Variants in SDC3 observed in about 807,000 individuals in gnomAD.
The protein encoded by SDC3 is syndecan 3, also known as syndecan-3.
SDC3 carries 13 observed loss-of-function variants against 24.4 expected under a neutral mutation model. That is an observed-to-expected ratio of 0.53 (90% CI 0.35 to 0.85). SDC3 has a LOEUF of 0.85. SDC3 is among the 40% of genes least tolerant of loss of function. SDC3 has a pLI of 0.01. For missense variants in SDC3, 571 were observed against 584.5 expected (o/e 0.98, Z 0.24); for synonymous variants, 295 against 260.9 (o/e 1.13, Z -1.26).
chr1:30,889,670 GAAT>G (rs1225180834), intron 1 of SDC3, among the ~76,000 whole-genome samples: 2 of 152,196 alleles, frequency 1.3e-5, no homozygotes, highest in Non-Finnish European at 2.9e-5. Flanking sequence ...ATGGATGCAA[GAAT>G]GAATGTGATC....
chr1:30,908,783 G>GCGC (rs1430711331), upstream of SDC3: 578 of 146,434 alleles, frequency 3.9e-3, 1 homozygote, highest in African/African-American at 0.012. Flanking sequence ...CAGGAAGCGT[G>GCGC]CGCCGCCGCC....
At position 30,874,427 on chromosome 1, in the gene SDC3, T is replaced by C. The variant is rs1639595569; in HGVS notation, c.1032A>G (p.Ser344=). The change falls in exon 4 of 5, where the codon TCA becomes TCG. Residue 344 remains serine, a synonymous_variant. Transcript: ENST00000339394. The stretch of plus-strand genomic sequence containing the variant: ...CCTTGGGCAGTGTCCCAGGTGGAGA[T>C]GATGCCTTGGCCGCAGCCCCTCCCA... ...VAVGGAAAKA[S]SPPGTLPKGA... 2 of 1,614,192 alleles carry C rather than the reference T, an allele frequency of 1.2e-6. No homozygotes were observed. The highest frequency in any genetic ancestry group is 1.7e-5 in the Admixed American group (1 of 60,026).
At chr1:30,878,817 G>T in intron 1 of SDC3, 77 bp from the exon 2 acceptor site, 1 of 1,130,420 alleles carries the variant, frequency 8.8e-7, no homozygotes, top group Non-Finnish European at 1.3e-6. Flanking sequence ...GGCGACAGGT[G>T]CCCTTGTGGG....
At chr1:30,906,602 C>T (rs1206021455) in intron 1 of SDC3, among the ~76,000 whole-genome samples, 1 of 152,132 alleles carries the variant, frequency 6.6e-6, no homozygotes, top group African/African-American at 2.4e-5. Flanking sequence ...CATGTGCACA[C>T]CACATGACTC....
chr1:30,885,790 C>T (rs1374713681), intron 1 of SDC3, among the ~76,000 whole-genome samples: 1 of 152,238 alleles, frequency 6.6e-6, no homozygotes, highest in Non-Finnish European at 1.5e-5. Context: ...CTCCCATCAG[C>T]CCTGTTCCTG....
chr1:30,895,332 T>C (rs1266888670), intron 1 of SDC3, among the ~76,000 whole-genome samples: 2 of 152,202 alleles, frequency 1.3e-5, no homozygotes, highest in African/African-American at 2.4e-5. Flanking sequence ...CTTGCAGCCT[T>C]GCAGACCATC....
intron 1 of SDC3, among the ~76,000 whole-genome samples, chr1:30,895,257 C>T (rs1639984216): frequency 6.6e-6 from 1 of 152,178 alleles, no homozygotes; most frequent in African/African-American, 2.4e-5. Context: ...ACCCCTAACC[C>T]AAACTAACGT....
rs1320949791 is a variant in SDC3, at chr1:30,908,564, C to A, written c.23G>T (p.Arg8Leu). 1 of 975,048 alleles carries A rather than the reference C, an allele frequency of 1.0e-6. No homozygotes were observed. Among genetic ancestry groups the A allele is most frequent in the African/African-American group, 1.8e-5 (1 of 55,208 alleles). The allele number at this position is 975,048 out of a possible 1,614,324, so 60.4% of individuals were successfully genotyped here. A position where few individuals can be genotyped will look rare whatever the true frequency, so the allele number is the denominator to read the frequency against. Residue 8 changes from arginine to leucine, a missense_variant, in exon 1 of 5, where the codon CGT becomes CTT. This residue lies in a region of SDC3 where 497 missense variants were observed against 471.6 expected (regional missense o/e 1.05). Coordinates refer to ENST00000339394, the MANE Select transcript of SDC3 (RefSeq NM_014654.4). ...GCCGGCCCCGTGGGCGGCCCCGGCA[C>A]GGTGCGGCGGCCCCGGCTTCATGGC... MKPGPPH[R>L]AGAAHGAGAG...
intron 1 of SDC3, among the ~76,000 whole-genome samples, chr1:30,903,566 G>A (rs752706184): frequency 3.3e-5 from 5 of 152,076 alleles, no homozygotes; most frequent in Admixed American, 1.3e-4. Context: ...CTTGGGAGGC[G>A]GTAGATGAGG....
chr1:30,894,581 T>C (rs1639970425), intron 1 of SDC3, among the ~76,000 whole-genome samples: 1 of 128,658 alleles, frequency 7.8e-6, no homozygotes, highest in South Asian at 2.6e-4. Flanking sequence ...GGTGTATGTG[T>C]GGGCTACGTG....
intron 1 of SDC3, among the ~76,000 whole-genome samples, chr1:30,907,940 T>A (rs1292319981): frequency 6.6e-6 from 1 of 152,136 alleles, no homozygotes; most frequent in Non-Finnish European, 1.5e-5. Flanking sequence ...GTGGCCATGG[T>A]CTGGGCACAC....
chr1:30,900,876 C>T (rs548922308), intron 1 of SDC3, among the ~76,000 whole-genome samples: 27 of 152,078 alleles, frequency 1.8e-4, no homozygotes, highest in Admixed American at 3.3e-4. Flanking sequence ...TCTCTAGGGT[C>T]GCCTGGGCCA....
chr1:30,900,552 A>C (rs1388887765), intron 1 of SDC3, among the ~76,000 whole-genome samples: 1 of 151,960 alleles, frequency 6.6e-6, no homozygotes. Context: ...TCAGGTAAAA[A>C]TGCCCTTCCC....
chr1:30,884,952 A>T (rs1557519024), intron 1 of SDC3, among the ~76,000 whole-genome samples: 1 of 152,238 alleles, frequency 6.6e-6, no homozygotes, highest in Non-Finnish European at 1.5e-5. Context: ...ACACTGTCTA[A>T]TGAGGTTATT....
At chr1:30,894,595 GT>G (rs1639970973) in intron 1 of SDC3, among the ~76,000 whole-genome samples, 1 of 145,508 alleles carries the variant, frequency 6.9e-6, no homozygotes, top group Admixed American at 6.9e-5. Context: ...CTACGTGTGT[GT>G]GGGTGTGTGT....
intron 1 of SDC3, among the ~76,000 whole-genome samples, chr1:30,887,965 A>G (rs756962447): frequency 1.3e-5 from 2 of 152,234 alleles, no homozygotes; most frequent in Non-Finnish European, 2.9e-5. Context: ...AGCTGGGAGG[A>G]GGGAAGAGAA....
At chr1:30,894,019 G>C (rs944936427) in intron 1 of SDC3, among the ~76,000 whole-genome samples, 9 of 152,060 alleles carry the variant, frequency 5.9e-5, no homozygotes, top group African/African-American at 7.2e-5. Context: ...CACCTCTAAC[G>C]AGGCCAGATG....
chr1:30,884,551 C>G (rs139504227), intron 1 of SDC3, among the ~76,000 whole-genome samples: 1 of 152,266 alleles, frequency 6.6e-6, no homozygotes, highest in East Asian at 1.9e-4. Context: ...CCCACCATCC[C>G]CCCAGGATGC....
rs113772523 is a variant in SDC3, at chr1:30,869,527, A to G, written c.*3684T>C. 3.3e-6 allele frequency: 1 copy of G among 306,342 alleles called. No homozygotes were observed. The highest frequency in any genetic ancestry group is 4.9e-5 in the African/African-American group (1 of 20,426). The allele number at this position is 306,342 out of a possible 1,614,324, so 19.0% of individuals were successfully genotyped here. On this transcript the variant is annotated 3_prime_UTR_variant, in exon 5 of 5. Coordinates refer to ENST00000339394, the MANE Select transcript of SDC3 (RefSeq NM_014654.4). ...GCACAGCACAGGAAGTGTTAAAAAA[A>G]CAAACAAACAAAAAAAAAAAAAAAA... is the stretch of plus-strand genomic sequence containing the variant.
Sources: gnomAD v4.1 joint callset for allele counts (sites outside exome capture counted in the v4.1 genomes callset) on GRCh38, gnomAD v4.1.1 for gene constraint, gnomAD v4.1.1 regional missense constraint, MANE v1.5 for transcripts, NCBI Gene and HGNC (gene_info 2026-07-23, HGNC 2026-07-21) for gene names.